Variants in TNIP3 observed in about 807,000 individuals in gnomAD.
TNIP3 encodes the protein TNFAIP3-interacting protein 3.
Under a neutral mutation model 54.1 loss-of-function variants are expected in TNIP3, and 34 were observed. That is an observed-to-expected ratio of 0.63 (90% CI 0.48 to 0.84). The LOEUF is 0.84. TNIP3 is among the 40% of genes least tolerant of loss of function. The pLI, the probability that TNIP3 is intolerant of heterozygous loss-of-function variation, is 0.00. For missense variants in TNIP3, 366 were observed against 387.6 expected (o/e 0.94, Z 0.47); for synonymous variants, 134 against 136.8 (o/e 0.98, Z 0.14).
At chr4:121,218,168 A>G (rs547624703), upstream of TNIP3, among the ~76,000 whole-genome samples, 45 of 152,370 alleles carry the variant, frequency 3.0e-4, no homozygotes, top group African/African-American at 1.1e-3. Context: ...TTTACATTAC[A>G]GATACAACAT....
upstream of TNIP3, among the ~76,000 whole-genome samples, chr4:121,168,107 A>C (rs1263560312): frequency 6.6e-6 from 1 of 152,192 alleles, no homozygotes; most frequent in Non-Finnish European, 1.5e-5. Context: ...CTTTTTGAAA[A>C]TATATCCAGA....
chr4:121,182,638 G>C (rs941362847), intron 3 of TNIP3: 3 of 1,531,524 alleles, frequency 2.0e-6, no homozygotes, highest in African/African-American at 2.7e-5. Flanking sequence ...ACTGCTGAAG[G>C]GTACATCGAG....
At chr4:121,208,827 G>A (rs752145331) in intron 2 of TNIP3, among the ~76,000 whole-genome samples, 1 of 152,096 alleles carries the variant, frequency 6.6e-6, no homozygotes. Context: ...CAGTCCTCTG[G>A]ACTACACCTA....
chr4:121,135,372 A>G (rs2148791974), intron 10 of TNIP3, among the ~76,000 whole-genome samples: 1 of 152,188 alleles, frequency 6.6e-6, no homozygotes, highest in African/African-American at 2.4e-5. Context: ...TTTCAAATGC[A>G]TGAAGTTACT....
intron 1 of TNIP3, 105 bp from the exon 2 acceptor site, chr4:121,161,321 G>C (rs1375310966): frequency 1.1e-6 from 1 of 931,976 alleles, no homozygotes; most frequent in African/African-American, 2.2e-5. Context: ...CTCCTGTTGC[G>C]ATTTAAAAAA....
chr4:121,141,099 G>T (rs1166008069), intron 9 of TNIP3, among the ~76,000 whole-genome samples: 2 of 152,168 alleles, frequency 1.3e-5, no homozygotes, highest in African/African-American at 4.8e-5. Context: ...AGCGGGATTT[G>T]TCTGGGTAAA....
At position 121,184,519 on chromosome 4, in the gene TNIP3, C is replaced by T. The variant is rs114951645; in HGVS notation, c.69-1723G>A. Reference sequence around the variant, plus strand: ...AATGAATCATATGGGTAGAGAAATGCGGAGCTGAGAGATGGAGAGAGTCCT... The same window carrying T: ...AATGAATCATATGGGTAGAGAAATGTGGAGCTGAGAGATGGAGAGAGTCCT... On this transcript the variant is annotated intron_variant, in intron 2 of 12. Transcript: ENST00000507879. Among the ~76,000 whole-genome samples, 237 of 152,254 alleles carry T rather than the reference C, an allele frequency of 1.6e-3. 2 individuals are homozygous for T. Among genetic ancestry groups the T allele is most frequent in the African/African-American group, 5.3e-3 (222 of 41,546 alleles).
chr4:121,132,034 A>G lies in TNIP3; in HGVS notation c.*597T>C, dbSNP rs865779775. The G allele has an allele frequency of 2.0e-5, 3 of 152,302 alleles. No individual in the cohort carries two copies. The highest frequency in any genetic ancestry group is 7.2e-5 in the African/African-American group (3 of 41,452). 9.4% of individuals were successfully genotyped at this position (152,302 alleles called of 1,614,324 possible). ...TCTAAGGAATAGCTTCCAATTAACCATCTTATTCAGATTGAACCACTTATT... is the reference window on the plus strand; with the variant it reads ...TCTAAGGAATAGCTTCCAATTAACCGTCTTATTCAGATTGAACCACTTATT... On this transcript the variant is annotated 3_prime_UTR_variant, in exon 11 of 11. Transcript: ENST00000057513.
At chr4:121,162,885 T>G (rs1415904546) in intron 1 of TNIP3, among the ~76,000 whole-genome samples, 1 of 152,218 alleles carries the variant, frequency 6.6e-6, no homozygotes, top group Non-Finnish European at 1.5e-5. Flanking sequence ...CTGTTTGTGA[T>G]GTAGACAAAA....
intron 2 of TNIP3, among the ~76,000 whole-genome samples, chr4:121,209,384 G>T (rs559722387): frequency 2.7e-4 from 41 of 152,312 alleles, no homozygotes; most frequent in Admixed American, 1.5e-3. Flanking sequence ...GGGCAGTCTT[G>T]TGGGACTGAG....
At chr4:121,146,951 T>C (rs1395913275) in intron 7 of TNIP3, 98 bp downstream of exon 7, 12 of 1,394,132 alleles carry the variant, frequency 8.6e-6, no homozygotes, top group African/African-American at 2.9e-5. Flanking sequence ...TAAAAAAAAA[T>C]TCAATGTCAA....
At chr4:121,181,296 C>T (rs1724684032) in intron 3 of TNIP3, among the ~76,000 whole-genome samples, 2 of 152,054 alleles carry the variant, frequency 1.3e-5, no homozygotes, top group African/African-American at 4.8e-5. Context: ...TGAGGTTAGA[C>T]AAGAAGGTGG....
intron 2 of TNIP3, among the ~76,000 whole-genome samples, chr4:121,190,779 C>T (rs1451311083): frequency 2.0e-5 from 3 of 152,108 alleles, no homozygotes; most frequent in South Asian, 2.1e-4. Context: ...CAATACTCCC[C>T]GAACAAACTC....
intron 3 of TNIP3, among the ~76,000 whole-genome samples, chr4:121,169,810 T>G (rs1730970851): frequency 1.3e-5 from 2 of 152,220 alleles, no homozygotes. Flanking sequence ...CATAGCCTCT[T>G]AGAGGATATT....
At chr4:121,196,421 G>A (rs112329605) in intron 2 of TNIP3, among the ~76,000 whole-genome samples, 6,582 of 152,122 alleles carry the variant, frequency 0.043, 473 homozygotes, top group African/African-American at 0.15. Flanking sequence ...ATAAATCGAC[G>A]AATATAATAT....
upstream of TNIP3, among the ~76,000 whole-genome samples, chr4:121,168,006 C>T (rs1730857788): frequency 6.6e-6 from 1 of 152,066 alleles, no homozygotes; most frequent in Non-Finnish European, 1.5e-5. Flanking sequence ...ATTAATAACA[C>T]CTTTTATTCT....
At chr4:121,182,590 C>A in intron 3 of TNIP3, 1 of 1,459,038 alleles carries the variant, frequency 6.9e-7, no homozygotes, top group South Asian at 1.3e-5. Flanking sequence ...CGGTAAATGA[C>A]TTGGGGACTG....
At chr4:121,154,972 T>C (rs1333013783) in intron 4 of TNIP3, among the ~76,000 whole-genome samples, 1 of 151,792 alleles carries the variant, frequency 6.6e-6, no homozygotes, top group Non-Finnish European at 1.5e-5. Flanking sequence ...ATTCTTTTTT[T>C]TTTTTTTAAA....
intron 3 of TNIP3, among the ~76,000 whole-genome samples, chr4:121,181,805 G>A (rs546730413): frequency 6.6e-6 from 1 of 152,208 alleles, no homozygotes; most frequent in South Asian, 2.1e-4. Flanking sequence ...CAAATTTATG[G>A]ATGCAAATTA....
Sources: allele counts gnomAD v4.1 joint callset (sites outside exome capture counted in the v4.1 genomes callset), GRCh38; gene constraint gnomAD v4.1.1; transcripts MANE v1.5; gene names NCBI Gene and HGNC (gene_info 2026-07-23, HGNC 2026-07-21).